Variants in PRR16 observed in about 807,000 individuals in gnomAD.
PRR16 encodes the protein proline rich 16, also known as protein Largen.
In PRR16, 6 loss-of-function variants were observed where a neutral mutation model predicts 18.2. That is an observed-to-expected ratio of 0.33 (90% CI 0.18 to 0.65). PRR16 has a LOEUF of 0.65. Ranked by LOEUF, PRR16 falls within the 30% of genes least tolerant of loss-of-function variation. PRR16 has a pLI of 0.74. For missense variants in PRR16, 412 were observed against 376.6 expected (o/e 1.09, Z -0.78); for synonymous variants, 151 against 147.8 (o/e 1.02, Z -0.16).
the PRR16 span, among the ~76,000 whole-genome samples, chr5:120,789,353 CAAA>C: frequency 2.6e-5 from 4 of 151,720 alleles, no homozygotes; most frequent in Non-Finnish European, 4.4e-5. Flanking sequence ...TTTTGTTTTC[CAAA>C]AAATCATTAA....
At chr5:120,720,735 GTA>G in the PRR16 span, among the ~76,000 whole-genome samples, 2 of 152,104 alleles carry the variant, frequency 1.3e-5, no homozygotes, top group East Asian at 1.9e-4. Context: ...TATTATATTT[GTA>G]TGTGTGTTCT....
At chr5:120,695,115 C>T in the PRR16 span, among the ~76,000 whole-genome samples, 2 of 152,256 alleles carry the variant, frequency 1.3e-5, no homozygotes, top group Non-Finnish European at 2.9e-5. Flanking sequence ...TATCATCTGG[C>T]ACTATTATTT....
At chr5:120,664,011 A>G (rs960529006) in intron 1 of PRR16, among the ~76,000 whole-genome samples, 7 of 152,144 alleles carry the variant, frequency 4.6e-5, no homozygotes, top group Non-Finnish European at 1.0e-4. Flanking sequence ...AAAACTGGAC[A>G]AATCTGGCCG....
chr5:120,683,762 C>CTT (rs1757040722), intron 1 of PRR16, among the ~76,000 whole-genome samples: 1 of 152,032 alleles, frequency 6.6e-6, no homozygotes, highest in South Asian at 2.1e-4. Context: ...TGAAGACTTC[C>CTT]TTACACTGCC....
chr5:120,766,853 C>T, the PRR16 span, among the ~76,000 whole-genome samples: 27 of 151,986 alleles, frequency 1.8e-4, no homozygotes, highest in Non-Finnish European at 3.4e-4. Context: ...TAGTATAATC[C>T]TGGTTAATTG....
chr5:120,684,580 A>T (rs961667627), intron 1 of PRR16, among the ~76,000 whole-genome samples: 2 of 152,206 alleles, frequency 1.3e-5, no homozygotes, highest in African/African-American at 4.8e-5. Flanking sequence ...TTCCATTCTC[A>T]TATGTGTATA....
At chr5:120,522,443 T>C (rs1561529460) in intron 1 of PRR16, among the ~76,000 whole-genome samples, 1 of 152,242 alleles carries the variant, frequency 6.6e-6, no homozygotes, top group Non-Finnish European at 1.5e-5. Flanking sequence ...CATTTTTTCA[T>C]GTGTCTGTTG....
chr5:120,731,359 A>T, the PRR16 span, among the ~76,000 whole-genome samples: 1 of 152,204 alleles, frequency 6.6e-6, no homozygotes, highest in Non-Finnish European at 1.5e-5. Flanking sequence ...GGGAGCTTCA[A>T]TTCCAATAAA....
At chr5:120,555,922 TC>T (rs1359902955) in intron 1 of PRR16, among the ~76,000 whole-genome samples, 1 of 151,616 alleles carries the variant, frequency 6.6e-6, no homozygotes, top group African/African-American at 2.4e-5. Flanking sequence ...TATGTTTTCA[TC>T]TTGAAAAATT....
At chr5:120,717,632 T>C in the PRR16 span, among the ~76,000 whole-genome samples, 5 of 152,300 alleles carry the variant, frequency 3.3e-5, no homozygotes, top group African/African-American at 1.2e-4. Context: ...AGAAAGATGA[T>C]GGCATTTGAC....
At chr5:120,773,099 G>C in the PRR16 span, among the ~76,000 whole-genome samples, 1 of 152,080 alleles carries the variant, frequency 6.6e-6, no homozygotes, top group African/African-American at 2.4e-5. Flanking sequence ...CTTTGACTTA[G>C]ATCACAGACT....
intron 1 of PRR16, among the ~76,000 whole-genome samples, chr5:120,634,306 C>T (rs768516772): frequency 4.6e-5 from 7 of 152,174 alleles, no homozygotes; most frequent in Non-Finnish European, 7.4e-5. Context: ...ATAGCAAAAA[C>T]GTGCTAAGAA....
chr5:120,540,704 TC>T lies in PRR16; in HGVS notation c.159+76061del, dbSNP rs551287882. Reference sequence around the variant, plus strand: ...GCTAAGCATCTGGGAGTTATTTATATCCTACTGCTCAAGGTCATCACCAAGG... The same window carrying T: ...GCTAAGCATCTGGGAGTTATTTATATCTACTGCTCAAGGTCATCACCAAGG... On this transcript the variant is annotated intron_variant, in intron 1 of 1. Transcript: ENST00000407149. 3.7e-4 allele frequency among the ~76,000 whole-genome samples: 56 copies of T among 152,296 alleles called. No homozygotes were observed. In the South Asian group the frequency reaches 4.4e-3, roughly 12 times the overall value.
the PRR16 span, among the ~76,000 whole-genome samples, chr5:120,716,871 C>T: frequency 6.0e-4 from 91 of 151,698 alleles, no homozygotes; most frequent in African/African-American, 2.0e-3. Flanking sequence ...GACTCCATCT[C>T]AAAAAAACAA....
At chr5:120,667,012 T>A (rs1476237007) in intron 1 of PRR16, among the ~76,000 whole-genome samples, 2 of 150,464 alleles carry the variant, frequency 1.3e-5, no homozygotes, top group Admixed American at 6.6e-5. Context: ...TTCTATTGAT[T>A]GGAATAGTTT....
the PRR16 span, among the ~76,000 whole-genome samples, chr5:120,725,057 T>A: frequency 6.6e-6 from 1 of 152,006 alleles, no homozygotes; most frequent in African/African-American, 2.4e-5. Context: ...GATAACTGAA[T>A]AAAATAAGAA....
intron 1 of PRR16, among the ~76,000 whole-genome samples, chr5:120,613,573 C>A: frequency 6.6e-6 from 1 of 152,078 alleles, no homozygotes. Flanking sequence ...TTATTTAATT[C>A]ATATGATTGG....
rs549424167 is a variant in PRR16, at chr5:120,636,002, C to G, written c.160-49952C>G. 8.5e-5 allele frequency among the ~76,000 whole-genome samples: 13 copies of G among 152,100 alleles called. No homozygotes were observed. In the South Asian group the frequency reaches 2.7e-3, roughly 32 times the overall value. On this transcript the variant is annotated intron_variant, in intron 1 of 1. Transcript: ENST00000407149. ...GACCAGGCTGAGAATCAAATCAAGT[C>G]AACCCCTTTCACAATGGCTGCAAAT...
the PRR16 span, among the ~76,000 whole-genome samples, chr5:120,762,000 T>C: frequency 1.3e-5 from 2 of 152,174 alleles, no homozygotes; most frequent in Non-Finnish European, 2.9e-5. Flanking sequence ...TGGCTAATTT[T>C]ACATAATGAC....
Sources: allele counts gnomAD v4.1 joint callset (sites outside exome capture counted in the v4.1 genomes callset), GRCh38; gene constraint gnomAD v4.1.1; transcripts MANE v1.5; gene names NCBI Gene and HGNC (gene_info 2026-07-23, HGNC 2026-07-21).